EHMT1: variants seen among roughly 807,000 people sequenced by gnomAD.
EHMT1 encodes histone-lysine N-methyltransferase EHMT1.
In EHMT1, 15 loss-of-function variants were observed where a neutral mutation model predicts 147.2. The observed-to-expected ratio is 0.10, with a 90% CI of 0.07 to 0.16. The LOEUF is 0.16. Ranked by LOEUF, EHMT1 falls within the 10% of genes least tolerant of loss-of-function variation. The probability of loss-of-function intolerance (pLI) is 1.00; values close to 1 mark genes in which losing one functional copy is unlikely to be tolerated. For synonymous variants in EHMT1, 795 were observed against 709.6 expected, an observed-to-expected ratio of 1.12 and a Z score of -1.91; for missense variants, 1,587 against 1,772.4, an observed-to-expected ratio of 0.90 and a Z score of 1.88.
At chr9:137,700,038 G>A (rs2135137855) in intron 1 of EHMT1, among the ~76,000 whole-genome samples, 1 of 152,334 alleles carries the variant, frequency 6.6e-6, no homozygotes, top group South Asian at 2.1e-4. Flanking sequence ...TTACGTAAAT[G>A]TATATCATCA....
intron 1 of EHMT1, among the ~76,000 whole-genome samples, chr9:137,663,453 C>T (rs189418296): frequency 1.3e-5 from 2 of 152,188 alleles, no homozygotes; most frequent in Admixed American, 1.3e-4. Context: ...GAGTGGACTG[C>T]TCAGAATCCT....
intron 1 of EHMT1, among the ~76,000 whole-genome samples, chr9:137,644,484 C>T (rs1248308890): frequency 6.6e-6 from 1 of 152,112 alleles, no homozygotes; most frequent in Non-Finnish European, 1.5e-5. Context: ...CATGCCACCA[C>T]GCCCAGCTAA....
At chr9:137,774,961 C>A in intron 10 of EHMT1, 148 bp from the exon 11 acceptor site, 1 of 1,147,930 alleles carries the variant, frequency 8.7e-7, no homozygotes, top group Non-Finnish European at 1.3e-6. Flanking sequence ...TAAGTGCTTG[C>A]AAAGCCAAGC....
chr9:137,810,289 G>C (rs1009785013), intron 18 of EHMT1, among the ~76,000 whole-genome samples: 1 of 152,388 alleles, frequency 6.6e-6, no homozygotes, highest in East Asian at 1.9e-4. Context: ...GCCGCCCTGC[G>C]TGAAAGGCGC....
chr9:137,772,952 G>A (rs916579505), intron 10 of EHMT1, among the ~76,000 whole-genome samples: 4 of 151,922 alleles, frequency 2.6e-5, no homozygotes, highest in Admixed American at 6.6e-5. Flanking sequence ...TTCTCCTGCC[G>A]TTCTGCCTGG....
At chr9:137,814,365 G>C in intron 21 of EHMT1, 66 bp from the exon 22 acceptor site, 1 of 1,540,542 alleles carries the variant, frequency 6.5e-7, no homozygotes, top group Non-Finnish European at 8.9e-7. Flanking sequence ...AGACGTAGTT[G>C]TGACTGGGAG....
intron 25 of EHMT1, among the ~76,000 whole-genome samples, chr9:137,827,830 A>G (rs951712531): frequency 3.0e-5 from 4 of 131,422 alleles, no homozygotes; most frequent in African/African-American, 1.2e-4. Flanking sequence ...AGCCCTCTCC[A>G]TGGTGTGCTT....
At chr9:137,637,668 T>C (rs1844184113) in intron 1 of EHMT1, 1 of 152,170 alleles carries the variant, frequency 6.6e-6, no homozygotes, top group Non-Finnish European at 1.5e-5. Context: ...GTGTATTTGG[T>C]GCAAAGGTAA....
intron 18 of EHMT1, among the ~76,000 whole-genome samples, chr9:137,808,425 C>T (rs886569582): frequency 3.7e-4 from 56 of 152,174 alleles, no homozygotes; most frequent in African/African-American, 1.3e-3. Context: ...TGCCTGGTGT[C>T]TGGTGTCTTG....
intron 1 of EHMT1, among the ~76,000 whole-genome samples, chr9:137,626,463 C>T (rs1843263646): frequency 6.8e-6 from 1 of 147,428 alleles, no homozygotes; most frequent in Admixed American, 6.9e-5. Context: ...GTTGAGGCTG[C>T]AGTGAGCCAT....
At chr9:137,824,029 C>T (rs1263627700) in intron 25 of EHMT1, among the ~76,000 whole-genome samples, 2 of 152,240 alleles carry the variant, frequency 1.3e-5, no homozygotes, top group African/African-American at 2.4e-5. Flanking sequence ...TTTTGAAATT[C>T]TATTACTTTC....
intron 1 of EHMT1, among the ~76,000 whole-genome samples, chr9:137,634,656 CCTTG>C (rs200858298): frequency 0.011 from 1,694 of 147,614 alleles, 27 homozygotes; most frequent in African/African-American, 0.039. Context: ...AGATTGGGTC[CCTTG>C]CTTGCTTGCT....
chr9:137,833,207 G>A (rs958524367), intron 25 of EHMT1, among the ~76,000 whole-genome samples: 1 of 152,180 alleles, frequency 6.6e-6, no homozygotes, highest in African/African-American at 2.4e-5. Flanking sequence ...TGTGGACCAG[G>A]TGTCTCTGCC....
intron 1 of EHMT1, among the ~76,000 whole-genome samples, chr9:137,628,473 G>A (rs1037046493): frequency 1.2e-4 from 19 of 152,226 alleles, no homozygotes; most frequent in African/African-American, 4.1e-4. Context: ...TGTAGAGATG[G>A]AGTCTCACTG....
intron 1 of EHMT1, among the ~76,000 whole-genome samples, chr9:137,628,683 G>A (rs575740888): frequency 3.3e-5 from 5 of 152,222 alleles, no homozygotes; most frequent in Non-Finnish European, 7.3e-5. Flanking sequence ...TACTATGTCA[G>A]TTGTTGGTTG....
chr9:137,659,393 T>G (rs72765199), intron 1 of EHMT1, among the ~76,000 whole-genome samples: 10,898 of 150,234 alleles, frequency 0.073, 524 homozygotes, highest in Middle Eastern at 0.2. Flanking sequence ...TTTTTGTATT[T>G]CTAAAATTAA....
intron 1 of EHMT1, among the ~76,000 whole-genome samples, chr9:137,627,350 C>T (rs1371289248): frequency 2.0e-5 from 3 of 151,436 alleles, no homozygotes; most frequent in East Asian, 2.0e-4. Context: ...GCAACCTCCA[C>T]CTCCCGGGTT....
chr9:137,643,502 T>C (rs1844655212), intron 1 of EHMT1, among the ~76,000 whole-genome samples: 1 of 151,902 alleles, frequency 6.6e-6, no homozygotes, highest in Admixed American at 6.6e-5. Flanking sequence ...GCACCTGCCA[T>C]CACGCCTGGC....
chr9:137,750,323 C>T (rs1227540491), intron 6 of EHMT1, among the ~76,000 whole-genome samples: 2 of 152,188 alleles, frequency 1.3e-5, no homozygotes, highest in Non-Finnish European at 2.9e-5. Context: ...AGCATTTGGC[C>T]TCGTTCTCCA....
Sources: gnomAD v4.1 joint callset for allele counts (sites outside exome capture counted in the v4.1 genomes callset) on GRCh38, gnomAD v4.1.1 for gene constraint, MANE v1.5 for transcripts, NCBI Gene and HGNC (gene_info 2026-07-23, HGNC 2026-07-21) for gene names.